The following DNAH9 variants were observed in gnomAD, a reference collection of about 807,000 sequenced individuals.
DNAH9 encodes the protein DNAH9 variant protein.
DNAH9 carries 345 observed loss-of-function variants against 471.6 expected under a neutral mutation model. The ratio of observed to expected loss-of-function variants is 0.73; its 90% CI spans 0.67 to 0.80. DNAH9 has a LOEUF of 0.80. Ranked by LOEUF, DNAH9 falls within the 30% of genes least tolerant of loss-of-function variation. The probability of loss-of-function intolerance (pLI) is 0.00; values close to 1 mark genes in which losing one functional copy is unlikely to be tolerated. For synonymous variants in DNAH9, 2,093 were observed against 2,123.6 expected (o/e 0.99, Z 0.40); for missense variants, 5,407 against 5,609.2 (o/e 0.96, Z 1.15).
Position 11,669,812 on chromosome 17 carries a change from A to G in DNAH9, c.3353+18A>G. 6.2e-7 allele frequency: 1 copy of G among 1,605,518 alleles called. No individual in the cohort carries two copies. Among genetic ancestry groups the G allele is most frequent in the Non-Finnish European group, 8.5e-7 (1 of 1,173,718 alleles). On this transcript the variant is annotated intron_variant, in intron 17 of 68. Transcript: ENST00000262442. ...ACTCACAGGTACAACAGTTGTTTTCACTTTCTTCCAGCATGCTAGGCTGTG... is the reference window on the plus strand; with the variant it reads ...ACTCACAGGTACAACAGTTGTTTTCGCTTTCTTCCAGCATGCTAGGCTGTG...
intron 61 of DNAH9, among the ~76,000 whole-genome samples, chr17:11,917,094 G>T (rs142000967): frequency 6.6e-6 from 1 of 152,280 alleles, no homozygotes; most frequent in African/African-American, 2.4e-5. Flanking sequence ...CGGGGATGGA[G>T]TGGGGAAGGG....
intron 10 of DNAH9, among the ~76,000 whole-genome samples, chr17:11,642,903 GAAA>G (rs564751929): frequency 6.7e-6 from 1 of 148,634 alleles, no homozygotes; most frequent in African/African-American, 2.5e-5. Flanking sequence ...TAATCAGGGG[GAAA>G]AAAAAACGCC....
intron 50 of DNAH9, among the ~76,000 whole-genome samples, chr17:11,858,878 G>A (rs1444922938): frequency 1.3e-5 from 2 of 151,972 alleles, no homozygotes; most frequent in African/African-American, 4.8e-5. Flanking sequence ...GAGGTTAGAA[G>A]TTCGAGACCA....
chr17:11,961,245 G>A (rs911276104), intron 67 of DNAH9, among the ~76,000 whole-genome samples: 1 of 152,096 alleles, frequency 6.6e-6, no homozygotes, highest in Non-Finnish European at 1.5e-5. Context: ...AACCTGGGAG[G>A]CGGAGGTTGC....
Position 11,652,796 on chromosome 17 carries a change from A to G in DNAH9, c.2389A>G (p.Ile797Val). The G allele has an allele frequency of 6.2e-7, 1 of 1,613,482 alleles. No individual in the cohort carries two copies. Among genetic ancestry groups the G allele is most frequent in the Non-Finnish European group, 8.5e-7 (1 of 1,179,408 alleles). Residue 797 changes from isoleucine (I) to valine (V), a missense_variant, in exon 14 of 69, where the codon ATT becomes GTT. Physicochemically the swap from Ile to Val is conservative, Grantham distance 29. Around this residue, in one of 3 missense-constraint regions of DNAH9, gnomAD observed 4,636 missense variants for 4,900.3 expected, o/e 0.95. Transcript: ENST00000262442. ...CDYVTEITSS[I>V]HDLEQRIQKT... is the part of the protein sequence containing the mutation. ...TTATGTCACTGAAATCACCAGTAGT[A>G]TTCATGATCTTGAACAAAGAATTCA...
At chr17:11,787,343 C>G (rs953992144) in intron 41 of DNAH9, among the ~76,000 whole-genome samples, 1 of 152,212 alleles carries the variant, frequency 6.6e-6, no homozygotes, top group African/African-American at 2.4e-5. Context: ...AGAGTAGTTA[C>G]AGTCAATTTA....
intron 32 of DNAH9, among the ~76,000 whole-genome samples, chr17:11,750,434 T>C (rs1597590534): frequency 6.6e-6 from 1 of 152,288 alleles, no homozygotes; most frequent in East Asian, 1.9e-4. Context: ...AAACTCAATA[T>C]AATAACAAAG....
At chr17:11,897,574 G>C (rs796634815) in intron 59 of DNAH9, among the ~76,000 whole-genome samples, 12 of 152,110 alleles carry the variant, frequency 7.9e-5, no homozygotes, top group Admixed American at 5.2e-4. Flanking sequence ...TCTGTAAAGC[G>C]GTTCTGAATG....
chr17:11,669,834 T>C, intron 17 of DNAH9, 40 bp downstream of exon 17: 8 of 1,518,534 alleles, frequency 5.3e-6, no homozygotes, highest in Non-Finnish European at 6.3e-6. Context: ...CATGCTAGGC[T>C]GTGAGGAACA....
At chr17:11,624,508 C>CA (rs5819329) in intron 6 of DNAH9, among the ~76,000 whole-genome samples, 34,971 of 147,370 alleles carry the variant, frequency 0.24, 4,449 homozygotes, top group Non-Finnish European at 0.29. Context: ...GACTCCATCT[C>CA]AAAAAAAAAA....
intron 14 of DNAH9, among the ~76,000 whole-genome samples, chr17:11,662,653 T>G (rs537066372): frequency 1.0e-3 from 126 of 121,384 alleles, no homozygotes; most frequent in African/African-American, 2.9e-3. Context: ...GAATGCCACT[T>G]GAGAATCTGG....
chr17:11,689,686 C>T lies in DNAH9; in HGVS notation c.3864C>T (p.Asp1288=), dbSNP rs778954683. Residue 1288 remains aspartate, a synonymous_variant, in exon 20 of 69, where the codon GAC becomes GAT. Coordinates refer to ENST00000262442, the MANE Select transcript of DNAH9 (RefSeq NM_001372.4). ...SASLFEVNVP[D]YKQLRQCRKE... is the part of the protein sequence containing the mutation. ...GCTTATTTGAAGTCAATGTCCCTGACTATAAGCAGCTGAGGCAGTGCAGGA... is the reference window on the plus strand; with the variant it reads ...GCTTATTTGAAGTCAATGTCCCTGATTATAAGCAGCTGAGGCAGTGCAGGA... The T allele has an allele frequency of 6.2e-7, 1 of 1,614,176 alleles. No individual in the cohort carries two copies. Among genetic ancestry groups the T allele is most frequent in the Non-Finnish European group, 8.5e-7 (1 of 1,180,032 alleles).
chr17:11,667,127 A>G (rs1365573801), intron 15 of DNAH9, among the ~76,000 whole-genome samples: 2 of 152,198 alleles, frequency 1.3e-5, no homozygotes, highest in Non-Finnish European at 2.9e-5. Flanking sequence ...TGGGACAAAA[A>G]TCTCATACAG....
chr17:11,699,195 G>A (rs890084488), intron 22 of DNAH9, among the ~76,000 whole-genome samples: 3 of 152,122 alleles, frequency 2.0e-5, no homozygotes, highest in Admixed American at 1.3e-4. Context: ...GTTGCAGTGA[G>A]CCAAGATTGC....
At chr17:11,611,909 A>T (rs1251269254) in intron 4 of DNAH9, 129 bp downstream of exon 4, 11 of 870,052 alleles carry the variant, frequency 1.3e-5, no homozygotes, top group Non-Finnish European at 2.1e-5. Context: ...ACAAACTAGC[A>T]TGGTGGCAAG....
Position 11,786,208 on chromosome 17 carries a change from G to C in DNAH9, c.8061+1669G>C, listed in dbSNP as rs570777634. On this transcript the variant is annotated intron_variant, in intron 41 of 68. Transcript: ENST00000262442. ...GCAACCCAACCTTAGCTTCTGCCTG[G>C]AACAGTGGTCTTGTCCCCTGTACAA... is the stretch of plus-strand genomic sequence containing the variant. Among the ~76,000 whole-genome samples, 9 of 152,296 alleles carry C rather than the reference G, an allele frequency of 5.9e-5. No homozygotes were observed. In the East Asian group the frequency reaches 1.7e-3, roughly 29 times the overall value.
chr17:11,732,170 C>T (rs1418976212), intron 28 of DNAH9, among the ~76,000 whole-genome samples: 1 of 152,170 alleles, frequency 6.6e-6, no homozygotes, highest in African/African-American at 2.4e-5. Flanking sequence ...TGAAGCTGCG[C>T]AACACAAGGT....
intron 9 of DNAH9, among the ~76,000 whole-genome samples, chr17:11,639,538 C>T (rs928710506): frequency 5.9e-5 from 9 of 152,148 alleles, no homozygotes; most frequent in African/African-American, 2.2e-4. Flanking sequence ...CATGACCTGC[C>T]TCATTCATCA....
At chr17:11,712,070 ATATATAAATATATTTGTATATATATT>A (rs1410149086) in intron 26 of DNAH9, among the ~76,000 whole-genome samples, 859 of 4,974 alleles carry the variant, frequency 0.17, 417 homozygotes, top group Admixed American at 0.7. Context: ...ATATTTGTAT[ATATATAAATATATTTGTATATATATT>A]TATATATAAA....
Sources: gnomAD v4.1 joint callset for allele counts (sites outside exome capture counted in the v4.1 genomes callset) on GRCh38, gnomAD v4.1.1 for gene constraint, gnomAD v4.1.1 regional missense constraint, MANE v1.5 for transcripts, NCBI Gene and HGNC (gene_info 2026-07-23, HGNC 2026-07-21) for gene names.